The following IMMP2L variants were observed in gnomAD, a reference collection of about 807,000 sequenced individuals.
IMMP2L encodes the protein mitochondrial inner membrane protease subunit 2.
Under a neutral mutation model 19.3 loss-of-function variants are expected in IMMP2L, and 18 were observed. That is an observed-to-expected ratio of 0.93 (90% confidence interval 0.64 to 1.38). IMMP2L has a LOEUF of 1.38. Among genes scored for constraint, IMMP2L ranks in the 40% most tolerant of loss-of-function variants. The pLI, the probability that IMMP2L is intolerant of heterozygous loss-of-function variation, is 0.00. For synonymous variants in IMMP2L, 76 were observed against 73.0 expected (o/e 1.04, Z -0.21); for missense variants, 233 against 218.2 (o/e 1.07, Z -0.43).
intron 1 of IMMP2L, among the ~76,000 whole-genome samples, chr7:111,532,954 T>C (rs946143879): frequency 2.0e-5 from 3 of 152,142 alleles, no homozygotes; most frequent in Non-Finnish European, 4.4e-5. Flanking sequence ...ATAAACTCCC[T>C]TGGAATGAGT....
At chr7:110,852,802 C>A (rs1351258288) in intron 5 of IMMP2L, among the ~76,000 whole-genome samples, 1 of 152,008 alleles carries the variant, frequency 6.6e-6, no homozygotes, top group African/African-American at 2.4e-5. Context: ...CAAGTGGAGG[C>A]ATTCCAACTG....
chr7:110,920,928 C>T (rs1036099937), intron 4 of IMMP2L, among the ~76,000 whole-genome samples: 1 of 152,132 alleles, frequency 6.6e-6, no homozygotes, highest in African/African-American at 2.4e-5. Flanking sequence ...TGGCTTAACA[C>T]TACAGACTTT....
intron 3 of IMMP2L, among the ~76,000 whole-genome samples, chr7:111,351,523 CA>C (rs1181427906): frequency 6.6e-6 from 1 of 152,128 alleles, no homozygotes; most frequent in African/African-American, 2.4e-5. Context: ...GTGTAACTCC[CA>C]ATTCCTGATG....
intron 3 of IMMP2L, among the ~76,000 whole-genome samples, chr7:111,114,597 G>A (rs1218992753): frequency 2.0e-5 from 3 of 151,696 alleles, no homozygotes; most frequent in African/African-American, 4.8e-5. Context: ...TTCGCTGGGT[G>A]TGGTGGCAGG....
chr7:111,268,416 G>A (rs1057496071), intron 3 of IMMP2L, among the ~76,000 whole-genome samples: 5 of 143,792 alleles, frequency 3.5e-5, no homozygotes, highest in Non-Finnish European at 7.5e-5. Flanking sequence ...TGTGGTGGCA[G>A]CAATAGGAAA....
chr7:111,529,523 T>C (rs560529359), intron 1 of IMMP2L, among the ~76,000 whole-genome samples: 8 of 152,248 alleles, frequency 5.3e-5, no homozygotes, highest in Admixed American at 4.6e-4. Flanking sequence ...TTGTCTGACC[T>C]AGTAGTTCTC....
chr7:111,022,511 T>C (rs1347841883), intron 3 of IMMP2L, among the ~76,000 whole-genome samples: 1 of 152,190 alleles, frequency 6.6e-6, no homozygotes, highest in Admixed American at 6.5e-5. Flanking sequence ...GAGAAGACTT[T>C]TGAAACTCTA....
At chr7:111,178,421 T>C (rs551276581) in intron 3 of IMMP2L, among the ~76,000 whole-genome samples, 9 of 152,086 alleles carry the variant, frequency 5.9e-5, no homozygotes, top group African/African-American at 9.7e-5. Flanking sequence ...ATGCTGAAGG[T>C]TGGGGTAGCT....
intron 3 of IMMP2L, among the ~76,000 whole-genome samples, chr7:110,985,556 T>A (rs2129558707): frequency 6.6e-6 from 1 of 152,308 alleles, no homozygotes; most frequent in South Asian, 2.1e-4. Flanking sequence ...TTGATGATAT[T>A]ACCATGACAA....
At chr7:111,522,240 A>G (rs796995371) in intron 1 of IMMP2L, among the ~76,000 whole-genome samples, 30 of 152,142 alleles carry the variant, frequency 2.0e-4, no homozygotes, top group African/African-American at 6.5e-4. Flanking sequence ...CTGTCACCCA[A>G]GCTGGAGTCT....
chr7:111,432,793 A>G (rs1007996366), intron 3 of IMMP2L, among the ~76,000 whole-genome samples: 1 of 151,490 alleles, frequency 6.6e-6, no homozygotes, highest in African/African-American at 2.4e-5. Context: ...TAGTATCTAG[A>G]GAACCCTAAA....
chr7:111,289,227 A>C (rs920410178), intron 3 of IMMP2L, among the ~76,000 whole-genome samples: 1 of 151,236 alleles, frequency 6.6e-6, no homozygotes, highest in Non-Finnish European at 1.5e-5. Flanking sequence ...ATGAGAACAC[A>C]TGGACACAGG....
intron 3 of IMMP2L, among the ~76,000 whole-genome samples, chr7:111,061,781 T>C (rs777069603): frequency 9.2e-5 from 14 of 152,242 alleles, no homozygotes; most frequent in Non-Finnish European, 1.6e-4. Flanking sequence ...GTAAACTCAA[T>C]GATTTCATTG....
chr7:111,333,863 G>A (rs1314408437), intron 3 of IMMP2L, among the ~76,000 whole-genome samples: 3 of 151,920 alleles, frequency 2.0e-5, no homozygotes, highest in African/African-American at 7.3e-5. Context: ...GCCTATTGTG[G>A]GACCTCACCT....
chr7:110,705,391 GA>G (rs1938068588), intron 5 of IMMP2L, among the ~76,000 whole-genome samples: 1 of 152,064 alleles, frequency 6.6e-6, no homozygotes, highest in South Asian at 2.1e-4. Flanking sequence ...TATTTACTAT[GA>G]AACATATCTG....
At chr7:110,683,470 AAAT>A (rs771811426) in intron 5 of IMMP2L, among the ~76,000 whole-genome samples, 1 of 152,166 alleles carries the variant, frequency 6.6e-6, no homozygotes, top group Non-Finnish European at 1.5e-5. Context: ...CATTTCTGAT[AAAT>A]AATTGTAAAG....
chr7:111,438,286 A>G (rs1278723400), intron 3 of IMMP2L, among the ~76,000 whole-genome samples: 22 of 151,994 alleles, frequency 1.4e-4, no homozygotes, highest in East Asian at 3.9e-4. Context: ...GTAAATCTAT[A>G]TATCATTAAT....
intron 3 of IMMP2L, among the ~76,000 whole-genome samples, chr7:110,982,495 C>A (rs940865529): frequency 6.6e-6 from 1 of 152,022 alleles, no homozygotes; most frequent in African/African-American, 2.4e-5. Flanking sequence ...GTAGAAAATC[C>A]TGGTATTGAA....
intron 3 of IMMP2L, among the ~76,000 whole-genome samples, chr7:111,216,105 T>A (rs1562935937): frequency 6.6e-6 from 1 of 152,166 alleles, no homozygotes; most frequent in Non-Finnish European, 1.5e-5. Context: ...TGCCTTTGGA[T>A]CATTCCAGAT....
Sources: allele counts gnomAD v4.1 joint callset (sites outside exome capture counted in the v4.1 genomes callset), GRCh38; gene constraint gnomAD v4.1.1; transcripts MANE v1.5; gene names NCBI Gene and HGNC (gene_info 2026-07-23, HGNC 2026-07-21).